AUTS2: variants seen among roughly 807,000 people sequenced by gnomAD.
AUTS2 encodes the protein autism susceptibility gene 2 protein.
A neutral mutation model predicts 112.4 loss-of-function variants in AUTS2; 17 were observed. The ratio of observed to expected loss-of-function variants is 0.15; its 90% confidence interval spans 0.10 to 0.23. The LOEUF is 0.23. AUTS2 is among the 10% of genes least tolerant of loss of function. The probability of loss-of-function intolerance (pLI) is 1.00; values close to 1 mark genes in which losing one functional copy is unlikely to be tolerated. For synonymous variants in AUTS2, 751 were observed against 702.7 expected (o/e 1.07, Z -1.09); for missense variants, 1,510 against 1,701.6 (o/e 0.89, Z 1.98).
chr7:69,710,667 G>A (rs513150), intron 1 of AUTS2, among the ~76,000 whole-genome samples: 93,422 of 152,102 alleles, frequency 0.61, 29,000 homozygotes, highest in East Asian at 0.71. Flanking sequence ...TAGCTGAGAA[G>A]TCCTTTTTAA....
chr7:70,034,623 C>G (rs1170760251), intron 2 of AUTS2, among the ~76,000 whole-genome samples: 14 of 152,150 alleles, frequency 9.2e-5, no homozygotes, highest in Admixed American at 9.2e-4. Context: ...GGAGGTGCTT[C>G]TAGTATCACT....
intron 5 of AUTS2, among the ~76,000 whole-genome samples, chr7:70,503,814 C>G (rs1798861242): frequency 6.7e-6 from 1 of 150,268 alleles, no homozygotes; most frequent in African/African-American, 2.4e-5. Context: ...CCTACTGCAC[C>G]CAGCCCAAAA....
chr7:70,588,286 C>A (rs148838493), intron 5 of AUTS2, among the ~76,000 whole-genome samples: 29 of 152,254 alleles, frequency 1.9e-4, no homozygotes, highest in Admixed American at 1.2e-3. Flanking sequence ...TGAAAGACTT[C>A]CATGCTGAGC....
intron 2 of AUTS2, among the ~76,000 whole-genome samples, chr7:69,963,644 A>G (rs1451038543): frequency 1.3e-5 from 2 of 152,178 alleles, no homozygotes; most frequent in Admixed American, 6.5e-5. Flanking sequence ...GCCTGGAGCT[A>G]TGTTAACTGC....
At chr7:69,913,681 T>C (rs1795450705) in intron 2 of AUTS2, among the ~76,000 whole-genome samples, 1 of 152,198 alleles carries the variant, frequency 6.6e-6, no homozygotes, top group Admixed American at 6.5e-5. Flanking sequence ...AGTGATCTTT[T>C]AAAAATATAC....
chr7:69,622,209 T>C (rs1185018609), intron 1 of AUTS2, among the ~76,000 whole-genome samples: 1 of 152,172 alleles, frequency 6.6e-6, no homozygotes, highest in African/African-American at 2.4e-5. Context: ...CAAAACAAAT[T>C]TCCAGCAGGC....
At chr7:69,609,615 T>C (rs1792918797) in intron 1 of AUTS2, among the ~76,000 whole-genome samples, 3 of 152,256 alleles carry the variant, frequency 2.0e-5, no homozygotes, top group Non-Finnish European at 4.4e-5. Context: ...ATATTTTCTT[T>C]AGCCTAGCAA....
In AUTS2 at chr7:70,300,936, G is replaced by A. The variant is rs188921926; in HGVS notation, c.661-134816G>A. 2.5e-3 allele frequency among the ~76,000 whole-genome samples: 373 copies of A among 152,208 alleles called. 3 individuals carry two copies. The highest frequency in any genetic ancestry group is 8.5e-3 in the African/African-American group (353 of 41,516). On this transcript the variant is annotated intron_variant, in intron 4 of 18. Coordinates refer to ENST00000342771, the MANE Select transcript of AUTS2 (RefSeq NM_015570.4). ...ATCTGAGGTTTAACTGGCTCTAAAG[G>A]CAACACCTTTTCAAGCTCTTAAGAG...
intron 1 of AUTS2, among the ~76,000 whole-genome samples, chr7:69,769,476 A>G (rs1388480379): frequency 1.3e-5 from 2 of 152,206 alleles, no homozygotes; most frequent in Admixed American, 6.5e-5. Flanking sequence ...CAATGAGATT[A>G]GCTACAATCT....
intron 6 of AUTS2, among the ~76,000 whole-genome samples, chr7:70,703,938 G>A (rs979448979): frequency 6.6e-6 from 1 of 152,130 alleles, no homozygotes; most frequent in Non-Finnish European, 1.5e-5. Flanking sequence ...GTTATGAGTA[G>A]TTCAGTCCCT....
At chr7:70,477,894 G>A (rs201229943) in intron 5 of AUTS2, among the ~76,000 whole-genome samples, 2 of 32,182 alleles carry the variant, frequency 6.2e-5, no homozygotes, top group African/African-American at 3.2e-4. Flanking sequence ...GGTCATCCGG[G>A]GAACTGGACC....
At chr7:70,231,065 C>T (rs1395529066) in intron 4 of AUTS2, among the ~76,000 whole-genome samples, 2 of 152,204 alleles carry the variant, frequency 1.3e-5, no homozygotes, top group Non-Finnish European at 2.9e-5. Flanking sequence ...AGAAACACTT[C>T]TCAGTTTATT....
intron 2 of AUTS2, among the ~76,000 whole-genome samples, chr7:70,107,923 A>G (rs1018044632): frequency 3.3e-5 from 5 of 151,478 alleles, no homozygotes; most frequent in African/African-American, 1.2e-4. Context: ...AGGCAGGAGA[A>G]TGGCGTGAAC....
chr7:69,833,654 C>A (rs1255356543), intron 1 of AUTS2, among the ~76,000 whole-genome samples: 1 of 152,128 alleles, frequency 6.6e-6, no homozygotes, highest in Non-Finnish European at 1.5e-5. Context: ...AGGCTGGTTT[C>A]AAACTCCTAA....
Position 69,639,218 on chromosome 7 carries a change from C to T in AUTS2, c.309+39256C>T, listed in dbSNP as rs539876528. Among the ~76,000 whole-genome samples the T allele has an allele frequency of 4.6e-4, 70 of 152,186 alleles. 1 individual carries two copies. The Middle Eastern group carries it at 0.01, about 22-fold the overall frequency. ...CTCTTTATTGTATGTTAAATGATAG[C>T]GAAGTATAATAAAATGCACCTAGAG... On this transcript the variant is annotated intron_variant, in intron 1 of 18. Transcript: ENST00000342771.
intron 2 of AUTS2, among the ~76,000 whole-genome samples, chr7:70,103,642 C>T (rs764777482): frequency 5.3e-5 from 8 of 152,094 alleles, no homozygotes; most frequent in Non-Finnish European, 8.8e-5. Context: ...TGCAGTGGCT[C>T]ACGCCTGTAA....
At chr7:70,298,860 C>T (rs1327388829) in intron 4 of AUTS2, among the ~76,000 whole-genome samples, 2 of 152,200 alleles carry the variant, frequency 1.3e-5, no homozygotes, top group Admixed American at 6.5e-5. Flanking sequence ...CTTGTGGTTT[C>T]TCAATTAACC....
At position 70,525,172 on chromosome 7, in the gene AUTS2, C is replaced by T. The variant is rs573814910; in HGVS notation, c.690+89391C>T. 5.9e-5 allele frequency among the ~76,000 whole-genome samples: 9 copies of T among 152,334 alleles called. No homozygotes were observed. The South Asian group carries it at 1.9e-3, about 32-fold the overall frequency. On this transcript the variant is annotated intron_variant, in intron 5 of 18. Transcript: ENST00000342771. ...ACCTCCAGGGATGGGCCTTACCTTC[C>T]TCCTGAGGCACGCCTTCAGCTCCTC...
intron 4 of AUTS2, among the ~76,000 whole-genome samples, chr7:70,325,488 G>A (rs895423725): frequency 6.6e-6 from 1 of 152,146 alleles, no homozygotes; most frequent in African/African-American, 2.4e-5. Flanking sequence ...TGTCCAGTGT[G>A]TCCTAGATAT....
Sources: gnomAD v4.1 joint callset for allele counts (sites outside exome capture counted in the v4.1 genomes callset) on GRCh38, gnomAD v4.1.1 for gene constraint, MANE v1.5 for transcripts, NCBI Gene and HGNC (gene_info 2026-07-23, HGNC 2026-07-21) for gene names.